Variants in RHBDD2 observed in about 807,000 individuals in gnomAD.
RHBDD2 encodes rhomboid domain containing 2.
A neutral mutation model predicts 21.7 loss-of-function variants in RHBDD2; 13 were observed. The observed-to-expected ratio is 0.60, with a 90% confidence interval of 0.39 to 0.95. The LOEUF (loss-of-function observed/expected upper bound fraction) is 0.95. Ranked by LOEUF, RHBDD2 falls within the 40% of genes least tolerant of loss-of-function variation. The probability of loss-of-function intolerance (pLI) is 0.00; values close to 1 mark genes in which losing one functional copy is unlikely to be tolerated. For missense variants in RHBDD2, 473 were observed against 478.9 expected (o/e 0.99, Z 0.11); for synonymous variants, 225 against 220.0 (o/e 1.02, Z -0.20).
At chr7:75,887,496 T>A (rs1217728986) in intron 3 of RHBDD2, among the ~76,000 whole-genome samples, 5 of 151,502 alleles carry the variant, frequency 3.3e-5, no homozygotes, top group Middle Eastern at 6.8e-3. Context: ...TTTTTTTTTT[T>A]AATTTTTAGT....
Position 75,888,289 on chromosome 7 carries a change from G to A in RHBDD2, c.1035G>A (p.Gly345=). The stretch of plus-strand genomic sequence containing the variant: ...ACAGCCCTGGCACGGTGTATTCTGG[G>A]GCCTTGGGCACACCAGGGGCTGCAG... ...PVNSPGTVYS[G]ALGTPGAAGS... is the part of the protein sequence containing the mutation. The change falls in exon 4 of 4, where the codon GGG becomes GGA. Residue 345 remains glycine (G), a synonymous_variant. Transcript: ENST00000006777. 1 of 1,613,226 alleles carries A rather than the reference G, an allele frequency of 6.2e-7. No homozygotes were observed. The highest frequency in any genetic ancestry group is 8.5e-7 in the Non-Finnish European group (1 of 1,179,930).
intron 2 of RHBDD2, 67 bp from the exon 3 acceptor site, chr7:75,883,631 C>T (rs1805461412): frequency 7.1e-7 from 1 of 1,404,956 alleles, no homozygotes; most frequent in Non-Finnish European, 9.9e-7. Flanking sequence ...AACCTGTGTT[C>T]TCCCCGGGGA....
intron 1 of RHBDD2, among the ~76,000 whole-genome samples, chr7:75,880,693 G>C (rs1203802501): frequency 6.6e-6 from 1 of 151,964 alleles, no homozygotes; most frequent in African/African-American, 2.4e-5. Flanking sequence ...TCGTATTTGG[G>C]CATGCAGGGA....
chr7:75,885,749 A>G lies in RHBDD2; in HGVS notation c.737+1901A>G, dbSNP rs77456356. ...GCTCTTAAACACCCAGCTCTTACCTAAACTCAGAGGGAGAACTCATTACTA... is the reference window on the plus strand; with the variant it reads ...GCTCTTAAACACCCAGCTCTTACCTGAACTCAGAGGGAGAACTCATTACTA... On this transcript the variant is annotated intron_variant, in intron 3 of 3. Transcript: ENST00000006777. Among the ~76,000 whole-genome samples the G allele has an allele frequency of 2.3e-3, 347 of 152,200 alleles. 1 individual carries two copies. The highest frequency in any genetic ancestry group is 7.9e-3 in the African/African-American group (329 of 41,530).
intron 3 of RHBDD2, among the ~76,000 whole-genome samples, chr7:75,886,099 T>C (rs1368885588): frequency 1.4e-5 from 2 of 144,158 alleles, no homozygotes; most frequent in Non-Finnish European, 3.0e-5. Flanking sequence ...GGCAAGGTGC[T>C]TGGTCCTTGG....
chr7:75,879,547 A>G (rs1360636560), intron 1 of RHBDD2, among the ~76,000 whole-genome samples: 2 of 152,090 alleles, frequency 1.3e-5, no homozygotes, highest in Admixed American at 6.5e-5. Flanking sequence ...TAAGGCCCCA[A>G]ATCCATTCGC....
chr7:75,886,838 C>A (rs1554544017), intron 3 of RHBDD2, among the ~76,000 whole-genome samples: 1 of 151,994 alleles, frequency 6.6e-6, no homozygotes, highest in Non-Finnish European at 1.5e-5. Flanking sequence ...AGAGTTCTTC[C>A]ATGCTGAATT....
chr7:75,887,134 ATTT>A (rs528254017), intron 3 of RHBDD2, among the ~76,000 whole-genome samples: 2 of 124,262 alleles, frequency 1.6e-5, no homozygotes. Context: ...TTGATAGATA[ATTT>A]TTTTTTTTTT....
At chr7:75,885,131 A>G (rs971706377) in intron 3 of RHBDD2, among the ~76,000 whole-genome samples, 74 of 151,810 alleles carry the variant, frequency 4.9e-4, no homozygotes, top group Admixed American at 8.5e-4. Context: ...AAAAAAAAAA[A>G]AAAAGGTGCA....
In RHBDD2 at chr7:75,879,273, G is replaced by A. The variant is rs782514210; in HGVS notation, c.178+13G>A. ...CGCAACTGGCAAGGTGAGCAGGGGC[G>A]GGCCGGGATCGCGGGGCGAGTCCTT... On this transcript the variant is annotated intron_variant, in intron 1 of 3. Transcript: ENST00000006777. 3 of 1,468,036 alleles carry A rather than the reference G, an allele frequency of 2.0e-6. No homozygotes were observed. The East Asian group carries it at 8.6e-5, about 42-fold the overall frequency. The allele number at this position is 1,468,036 out of a possible 1,614,324, so 90.9% of individuals were successfully genotyped here.
intron 3 of RHBDD2, among the ~76,000 whole-genome samples, chr7:75,886,770 C>T (rs1443852023): frequency 2.6e-5 from 4 of 151,260 alleles, no homozygotes; most frequent in African/African-American, 9.7e-5. Flanking sequence ...GCCGAGATCG[C>T]GCCACTGCAC....
At chr7:75,883,023 C>T (rs1805423534) in intron 2 of RHBDD2, among the ~76,000 whole-genome samples, 1 of 152,034 alleles carries the variant, frequency 6.6e-6, no homozygotes, top group South Asian at 2.1e-4. Context: ...GATAAAAGGA[C>T]GAGGTGTTAG....
rs1554542021 is a variant in RHBDD2, at chr7:75,879,266, C to T, written c.178+6C>T. ...GGCCCTTCGCAACTGGCAAGGTGAG[C>T]AGGGGCGGGCCGGGATCGCGGGGCG... On this transcript the variant is annotated splice_donor_region_variant and intron_variant, in intron 1 of 3. Transcript: ENST00000006777. 2 of 1,482,956 alleles carry T rather than the reference C, an allele frequency of 1.3e-6. No individual in the cohort carries two copies. Among genetic ancestry groups the T allele is most frequent in the Admixed American group, 2.3e-5 (1 of 42,968 alleles). The allele number at this position is 1,482,956 out of a possible 1,614,324, so 91.9% of individuals were successfully genotyped here.
intron 1 of RHBDD2, 123 bp downstream of exon 1, chr7:75,879,383 C>A (rs1554542070): frequency 1.7e-5 from 16 of 942,036 alleles, no homozygotes; most frequent in Non-Finnish European, 2.2e-5. Context: ...CTGTCTCGGT[C>A]CTCATCACCA....
rs782220530 is a variant in RHBDD2 at position 75,879,158 on chromosome 7, C to T, written c.76C>T (p.Leu26=). The T allele has an allele frequency of 2.0e-6, 3 of 1,501,002 alleles. No homozygotes were observed. The highest frequency in any genetic ancestry group is 2.7e-6 in the Non-Finnish European group (3 of 1,122,142). The allele number at this position is 1,501,002 out of a possible 1,614,324, so 93.0% of individuals were successfully genotyped here. Residue 26 remains leucine (L), a synonymous_variant, in exon 1 of 4, where the codon CTG becomes TTG. Transcript: ENST00000006777. ...GCCATCCGCCACCTTCTTCACTGCGCTGCTCTCGCTGCTGGTTTCCGGGCC... is the reference window on the plus strand; with the variant it reads ...GCCATCCGCCACCTTCTTCACTGCGTTGCTCTCGCTGCTGGTTTCCGGGCC... ...EVPSATFFTA[L]LSLLVSGPRL...
chr7:75,882,094 C>T lies in RHBDD2; in HGVS notation c.444C>T (p.Val148=), dbSNP rs374653359. 22 of 1,614,220 alleles carry T rather than the reference C, an allele frequency of 1.4e-5. No homozygotes were observed. The East Asian group carries it at 2.5e-4, about 18-fold the overall frequency. ...TTGCCATGCTGGGAGTCACCACCGT[C>T]CGTTCTCGGATGAGGCGGGCCCTGG... is the stretch of plus-strand genomic sequence containing the variant. ...VAFAMLGVTT[V]RSRMRRALVF... is the part of the protein sequence containing the mutation. The change falls in exon 2 of 4, where the codon GTC becomes GTT. Residue 148 remains valine (V), a synonymous_variant. Transcript: ENST00000006777.
chr7:75,879,095 G>C lies in RHBDD2; in HGVS notation c.13G>C (p.Gly5Arg), dbSNP rs1434543374. 6 of 1,366,560 alleles carry C rather than the reference G, an allele frequency of 4.4e-6. No individual in the cohort carries two copies. Among genetic ancestry groups the C allele is most frequent in the Admixed American group, 3.7e-5 (1 of 26,758 alleles). The allele number at this position is 1,366,560 out of a possible 1,614,324, so 84.7% of individuals were successfully genotyped here. Residue 5 changes from glycine to arginine, a missense_variant, in exon 1 of 4, where the codon GGG (glycine) becomes CGG (arginine). Physicochemically the swap from Gly to Arg is moderately radical, Grantham distance 125. Transcript: ENST00000006777. Reference sequence around the variant, plus strand: ...AACGACGGCGGCCATGGCGGCCTCGGGGCCCGGGTGTCGCAGCTGGTGCTT... The same window carrying C: ...AACGACGGCGGCCATGGCGGCCTCGCGGCCCGGGTGTCGCAGCTGGTGCTT... MAAS[G>R]PGCRSWCLCP... is the part of the protein sequence containing the mutation.
rs183264564 is a variant in RHBDD2, at chr7:75,883,113, G to A, written c.587-585G>A. 1.1e-4 allele frequency among the ~76,000 whole-genome samples: 16 copies of A among 152,310 alleles called. No individual in the cohort carries two copies. The East Asian group carries it at 3.1e-3, about 29-fold the overall frequency. On this transcript the variant is annotated intron_variant, in intron 2 of 3. Coordinates refer to ENST00000006777, the MANE Select transcript of RHBDD2 (RefSeq NM_001040456.3). ...GGCATGTCCTGGCTTCTGACTGACTGCAGTGGCTAGAAGGGTGCAAGTGGT... is the reference window on the plus strand; with the variant it reads ...GGCATGTCCTGGCTTCTGACTGACTACAGTGGCTAGAAGGGTGCAAGTGGT...
rs367841737 is a variant in RHBDD2 at position 75,888,276 on chromosome 7, C to T, written c.1022C>T (p.Thr341Met). 1.5e-5 allele frequency: 25 copies of T among 1,613,536 alleles called. No homozygotes were observed. Among genetic ancestry groups the T allele is most frequent in the South Asian group, 7.7e-5 (7 of 91,088 alleles). The change falls in exon 4 of 4, where the codon ACG (threonine) becomes ATG (methionine). Residue 341 changes from threonine to methionine, a missense_variant. By Grantham distance (81) the Thr-to-Met change is moderately conservative (BLOSUM62 -1). Transcript: ENST00000006777. ...QPPTPVNSPG[T>M]VYSGALGTPG... ...CCCACGCCTGTGAACAGCCCTGGCA[C>T]GGTGTATTCTGGGGCCTTGGGCACA...
Sources: gnomAD v4.1 joint callset for allele counts (sites outside exome capture counted in the v4.1 genomes callset) on GRCh38, gnomAD v4.1.1 for gene constraint, MANE v1.5 for transcripts, NCBI Gene and HGNC (gene_info 2026-07-23, HGNC 2026-07-21) for gene names.